Variants in CFAP298 observed in about 807,000 individuals in gnomAD.
CFAP298 encodes the protein cilia- and flagella-associated protein 298.
Under a neutral mutation model 41.0 loss-of-function variants are expected in CFAP298, and 38 were observed. The observed-to-expected ratio is 0.93, with a 90% CI of 0.72 to 1.22. CFAP298 has a LOEUF of 1.22. Ranked by LOEUF, CFAP298 falls within the 50% of genes most tolerant of loss-of-function variation. CFAP298 has a pLI of 0.00. For missense variants in CFAP298, 348 were observed against 360.3 expected, an observed-to-expected ratio of 0.97 and a Z score of 0.28; for synonymous variants, 137 against 135.3, an observed-to-expected ratio of 1.01 and a Z score of -0.09.
At chr21:32,610,099 C>A in intron 1 of CFAP298, 94 bp from the exon 2 acceptor site, 1 of 1,168,540 alleles carries the variant, frequency 8.6e-7, no homozygotes, top group Non-Finnish European at 1.2e-6. Context: ...GCCCATCTGG[C>A]TCACTATTTT....
intron 1 of CFAP298, 128 bp from the exon 2 acceptor site, chr21:32,610,133 C>T (rs962616975): frequency 7.4e-6 from 6 of 810,628 alleles, no homozygotes; most frequent in Non-Finnish European, 9.6e-6. Flanking sequence ...TTATATGCCA[C>T]TTGCTATGTG....
chr21:32,604,273 T>C lies in CFAP298; in HGVS notation c.386A>G (p.Glu129Gly). 1.2e-6 allele frequency: 2 copies of C among 1,614,062 alleles called. No homozygotes were observed. Among genetic ancestry groups the C allele is most frequent in the Non-Finnish European group, 1.7e-6 (2 of 1,180,014 alleles). ...CTCCATGGTAACACAGACACCGGCT[T>C]CCACTTGTTTCTGCAAGCAGAAAGC... The part of the protein sequence containing the change: ...AKAIISKKQV[E>G]AGVCVTMEMV... Residue 129 changes from glutamate (E) to glycine (G), a missense_variant, in exon 4 of 7, where the codon GAA becomes GGA. By Grantham distance (98) the Glu-to-Gly change is moderately conservative. Coordinates refer to ENST00000290155, the MANE Select transcript of CFAP298 (RefSeq NM_021254.4).
intron 3 of CFAP298, 37 bp downstream of exon 3, chr21:32,607,609 AAAC>A (rs1403255387): frequency 2.3e-6 from 3 of 1,315,378 alleles, no homozygotes; most frequent in South Asian, 1.3e-5. Flanking sequence ...AAAAAAAAAA[AAAC>A]CCAACAAGTT....
chr21:32,603,070 T>C (rs771668467), intron 5 of CFAP298, 91 bp downstream of exon 5: 4 of 1,453,096 alleles, frequency 2.8e-6, no homozygotes, highest in Non-Finnish European at 2.9e-6. Flanking sequence ...TTTGTACCAG[T>C]AGTTTAAATC....
chr21:32,602,487 A>G, intron 5 of CFAP298, 120 bp from the exon 6 acceptor site: 6 of 1,461,164 alleles, frequency 4.1e-6, no homozygotes, highest in South Asian at 1.4e-5. Flanking sequence ...CAGGTCCCCC[A>G]TGTCTGATCA....
At position 32,610,465 on chromosome 21, in the gene CFAP298, A is replaced by G. The variant is rs138326984; in HGVS notation, c.140-460T>C. On this transcript the variant is annotated intron_variant, in intron 1 of 6. Coordinates refer to ENST00000290155, the MANE Select transcript of CFAP298 (RefSeq NM_021254.4). ...AGTGATCCGCCCGCCTCAGCCTCTCAAAGTGTCAGGATTACCCGTGTGAGC... is the reference window on the plus strand; with the variant it reads ...AGTGATCCGCCCGCCTCAGCCTCTCGAAGTGTCAGGATTACCCGTGTGAGC... Among the ~76,000 whole-genome samples the G allele has an allele frequency of 4.5e-4, 68 of 152,256 alleles. No homozygotes were observed. The East Asian group carries it at 9.6e-3, about 22-fold the overall frequency.
chr21:32,602,131 C>T (rs892924141), intron 6 of CFAP298, 141 bp downstream of exon 6: 102 of 920,908 alleles, frequency 1.1e-4, no homozygotes, highest in Non-Finnish European at 1.5e-4. Context: ...GGCAGGACCC[C>T]GACAGACCTG....
rs368976895 is a variant in CFAP298, at chr21:32,612,266, G to T, written c.-23C>A. On this transcript the variant is annotated 5_prime_UTR_variant, in exon 1 of 7. Transcript: ENST00000290155. ...CATGGCGGTCCCGCCGAGGTACTGA[G>T]GCGTTGAGAAGGCCCCGGCTGCGTG... 2.0e-5 allele frequency: 29 copies of T among 1,462,058 alleles called. No individual in the cohort carries two copies. The highest frequency in any genetic ancestry group is 1.6e-4 in the African/African-American group (12 of 73,038). 90.6% of individuals were successfully genotyped at this position (1,462,058 alleles called of 1,614,324 possible).
chr21:32,607,969 G>A (rs2038905003), intron 2 of CFAP298, among the ~76,000 whole-genome samples: 1 of 152,180 alleles, frequency 6.6e-6, no homozygotes, highest in South Asian at 2.1e-4. Flanking sequence ...ATGTCGTTGG[G>A]TAAACAGGGC....
intron 3 of CFAP298, 112 bp from the exon 4 acceptor site, chr21:32,604,395 CAA>C: frequency 8.1e-7 from 1 of 1,239,566 alleles, no homozygotes. Flanking sequence ...AAAAAGAAAT[CAA>C]ACAGTTCTTG....
chr21:32,612,119 T>C lies in CFAP298; in HGVS notation c.125A>G (p.Gln42Arg). Residue 42 changes from glutamine (Q) to arginine (R), a missense_variant, in exon 1 of 7, where the codon CAG becomes CGG. Transcript: ENST00000290155. ...GCGAGCCGCACCTGAGCAGAGGCGC[T>C]GCACCTTGAGCCGCCCATTATAGAC... ...ARVYNGRLKV[Q>R]RLCSEMEELA... 1 of 1,557,554 alleles carries C rather than the reference T, an allele frequency of 6.4e-7. No homozygotes were observed. The highest frequency in any genetic ancestry group is 8.7e-7 in the Non-Finnish European group (1 of 1,151,070).
At chr21:32,605,328 A>G (rs2038844073) in intron 3 of CFAP298, among the ~76,000 whole-genome samples, 1 of 152,226 alleles carries the variant, frequency 6.6e-6, no homozygotes, top group South Asian at 2.1e-4. Flanking sequence ...CCTGAGTGAC[A>G]GGAGTGTCTT....
In CFAP298 at chr21:32,607,660, T is replaced by C. The variant is rs1568995230; in HGVS notation, c.364A>G (p.Ile122Val). 1.3e-6 allele frequency: 2 copies of C among 1,585,288 alleles called. No individual in the cohort carries two copies. The highest frequency in any genetic ancestry group is 1.7e-6 in the Non-Finnish European group (2 of 1,162,182). Reference protein sequence around the residue: ...LKKTIEEAKAIISKKQVEAGV... With the variant: ...LKKTIEEAKAVISKKQVEAGV... ...TTAAAAAAGCCAACCTTAGATATTA[T>C]TGCTTTGGCTTCTTCTATAGTCTTC... The change falls in exon 3 of 7, where the codon ATA becomes GTA. Residue 122 changes from isoleucine (I) to valine (V), a missense_variant. By Grantham distance (29) the Ile-to-Val change is conservative. Coordinates refer to ENST00000290155, the MANE Select transcript of CFAP298 (RefSeq NM_021254.4).
At chr21:32,605,003 G>A (rs1047868853) in intron 3 of CFAP298, among the ~76,000 whole-genome samples, 2 of 152,156 alleles carry the variant, frequency 1.3e-5, no homozygotes, top group African/African-American at 4.8e-5. Flanking sequence ...ACATGGCAAA[G>A]CCCTGTCTCT....
intron 3 of CFAP298, among the ~76,000 whole-genome samples, chr21:32,604,959 A>C (rs1273342882): frequency 6.6e-6 from 1 of 152,202 alleles, no homozygotes; most frequent in Non-Finnish European, 1.5e-5. Context: ...TGGGCAAATC[A>C]CCTGAGGTCA....
intron 5 of CFAP298, chr21:32,602,622 C>T (rs2038768842): frequency 5.4e-6 from 7 of 1,304,294 alleles, no homozygotes; most frequent in Non-Finnish European, 6.8e-6. Context: ...GCAGACACTG[C>T]AGGCAGGTCC....
At position 32,601,241 on chromosome 21, in the gene CFAP298, C is replaced by T. The variant is rs1049780727; in HGVS notation, c.*622G>A. On this transcript the variant is annotated 3_prime_UTR_variant, in exon 7 of 7. Transcript: ENST00000290155. The stretch of plus-strand genomic sequence containing the variant: ...AGTCATCAGCTTTCCTCCAATAAAC[C>T]AGTTATCATGAGAATATAAAACAAT... 2.0e-5 allele frequency among the ~76,000 whole-genome samples: 3 copies of T among 150,606 alleles called. No homozygotes were observed. Among genetic ancestry groups the T allele is most frequent in the Non-Finnish European group, 2.9e-5 (2 of 67,874 alleles).
chr21:32,612,091 C>A lies in CFAP298; in HGVS notation c.139+14G>T. The A allele has an allele frequency of 1.9e-6, 3 of 1,544,898 alleles. No individual in the cohort carries two copies. Among genetic ancestry groups the A allele is most frequent in the Non-Finnish European group, 2.6e-6 (3 of 1,145,208 alleles). On this transcript the variant is annotated intron_variant, in intron 1 of 6. Transcript: ENST00000290155. ...TCTCGATCTGTCCGGGATGGGCCCA[C>A]CCGCGAGCCGCACCTGAGCAGAGGC...
At chr21:32,611,343 T>C (rs866024108) in intron 1 of CFAP298, among the ~76,000 whole-genome samples, 1 of 121,138 alleles carries the variant, frequency 8.3e-6, no homozygotes, top group Non-Finnish European at 1.7e-5. Context: ...ATATATAATT[T>C]ATTTATATTT....
Sources: gnomAD v4.1 joint callset for allele counts (sites outside exome capture counted in the v4.1 genomes callset) on GRCh38, gnomAD v4.1.1 for gene constraint, MANE v1.5 for transcripts, NCBI Gene and HGNC (gene_info 2026-07-23, HGNC 2026-07-21) for gene names.